The following CNTNAP5 variants were observed in gnomAD, a reference collection of about 807,000 sequenced individuals.
CNTNAP5 encodes contactin-associated protein-like 5.
CNTNAP5 carries 72 observed loss-of-function variants against 150.2 expected under a neutral mutation model. The ratio of observed to expected loss-of-function variants is 0.48; its 90% CI spans 0.40 to 0.58. The LOEUF (loss-of-function observed/expected upper bound fraction) is 0.58, where lower values mean the gene tolerates loss of function less well. Ranked by LOEUF, CNTNAP5 falls within the 20% of genes least tolerant of loss-of-function variation. The pLI is 0.00. For missense variants in CNTNAP5, 1,636 were observed against 1,626.2 expected (o/e 1.01, Z -0.10); for synonymous variants, 672 against 619.8 (o/e 1.08, Z -1.25).
At chr2:124,235,210 C>A (rs1322408412) in intron 2 of CNTNAP5, among the ~76,000 whole-genome samples, 2 of 152,106 alleles carry the variant, frequency 1.3e-5, no homozygotes, top group Non-Finnish European at 2.9e-5. Context: ...ATCTGACACT[C>A]GCTGAGTTGA....
In CNTNAP5 at chr2:124,920,244, T is replaced by C. The variant is rs1033376748; in HGVS notation, c.*5956T>C. On this transcript the variant is annotated 3_prime_UTR_variant, in exon 24 of 24. Transcript: ENST00000682447. ...TCTTACATGCTTCAGATGCCAGAAA[T>C]ATCTTCAGAGAACGTGAACAAAGTG... Among the ~76,000 whole-genome samples, 5 of 152,098 alleles carry C rather than the reference T, an allele frequency of 3.3e-5. No homozygotes were observed. The highest frequency in any genetic ancestry group is 1.3e-4 in the Admixed American group (2 of 15,258).
At chr2:124,315,654 G>T (rs765898167) in intron 3 of CNTNAP5, among the ~76,000 whole-genome samples, 3 of 152,038 alleles carry the variant, frequency 2.0e-5, no homozygotes, top group Non-Finnish European at 4.4e-5. Flanking sequence ...TTCTCAAGGT[G>T]GTCGCCCCTC....
chr2:124,796,474 T>G (rs577637102), intron 18 of CNTNAP5, among the ~76,000 whole-genome samples: 1 of 152,344 alleles, frequency 6.6e-6, no homozygotes, highest in East Asian at 1.9e-4. Flanking sequence ...CACAGATGTC[T>G]GCTGCATATT....
chr2:124,653,645 T>C (rs1002755759), intron 13 of CNTNAP5, among the ~76,000 whole-genome samples: 2 of 148,240 alleles, frequency 1.3e-5, no homozygotes, highest in African/African-American at 5.3e-5. Flanking sequence ...TAAGGAATTG[T>C]GATGTAGAAA....
intron 10 of CNTNAP5, among the ~76,000 whole-genome samples, chr2:124,552,953 A>G (rs1191686035): frequency 2.6e-5 from 4 of 152,196 alleles, no homozygotes; most frequent in African/African-American, 2.4e-5. Flanking sequence ...TAGATTATCT[A>G]TTAATTATGT....
intron 3 of CNTNAP5, among the ~76,000 whole-genome samples, chr2:124,313,158 G>A (rs979417955): frequency 2.0e-5 from 3 of 152,172 alleles, no homozygotes; most frequent in Non-Finnish European, 4.4e-5. Flanking sequence ...ATATGTAACA[G>A]TCACTCAGGC....
intron 13 of CNTNAP5, among the ~76,000 whole-genome samples, chr2:124,662,118 GGTT>G (rs1442919755): frequency 6.6e-6 from 1 of 152,010 alleles, no homozygotes; most frequent in Non-Finnish European, 1.5e-5. Context: ...TGAGAATGAT[GGTT>G]TCCAGCTTCA....
At chr2:124,230,388 A>ACAAC (rs1686584754) in intron 2 of CNTNAP5, among the ~76,000 whole-genome samples, 1 of 152,066 alleles carries the variant, frequency 6.6e-6, no homozygotes. Context: ...AAACAACACT[A>ACAAC]CAACGTCTGC....
intron 1 of CNTNAP5, among the ~76,000 whole-genome samples, chr2:124,070,358 A>G (rs1007277042): frequency 2.7e-5 from 4 of 149,914 alleles, no homozygotes; most frequent in African/African-American, 9.8e-5. Context: ...TGAATGGACT[A>G]AACTCTCCAA....
chr2:124,304,372 C>T (rs1455808811), intron 3 of CNTNAP5, among the ~76,000 whole-genome samples: 2 of 150,108 alleles, frequency 1.3e-5, no homozygotes, highest in Non-Finnish European at 2.9e-5. Context: ...GGGATAACCA[C>T]AGGGAGAAAT....
chr2:124,078,086 G>C (rs192654922), intron 1 of CNTNAP5, among the ~76,000 whole-genome samples: 1 of 152,244 alleles, frequency 6.6e-6, no homozygotes, highest in Non-Finnish European at 1.5e-5. Context: ...AAACCCAGAA[G>C]AAAATGCCAA....
At chr2:124,798,991 C>T (rs1467286861) in intron 19 of CNTNAP5, among the ~76,000 whole-genome samples, 1 of 151,906 alleles carries the variant, frequency 6.6e-6, no homozygotes, top group East Asian at 1.9e-4. Flanking sequence ...CTACTTGATA[C>T]AAAATTCACA....
intron 1 of CNTNAP5, among the ~76,000 whole-genome samples, chr2:124,103,125 G>A (rs1250880272): frequency 6.6e-6 from 1 of 151,726 alleles, no homozygotes; most frequent in Non-Finnish European, 1.5e-5. Flanking sequence ...TAACAAGAAT[G>A]TTTCAAAAGT....
At chr2:124,337,210 G>A (rs1689494877) in intron 3 of CNTNAP5, among the ~76,000 whole-genome samples, 1 of 152,114 alleles carries the variant, frequency 6.6e-6, no homozygotes, top group Non-Finnish European at 1.5e-5. Flanking sequence ...CCCACTTGTT[G>A]ATGGGGTTGT....
intron 1 of CNTNAP5, among the ~76,000 whole-genome samples, chr2:124,138,818 C>G (rs2104613073): frequency 6.6e-6 from 1 of 152,116 alleles, no homozygotes; most frequent in Non-Finnish European, 1.5e-5. Flanking sequence ...TGATCCTTCC[C>G]CTACAAACAC....
intron 11 of CNTNAP5, among the ~76,000 whole-genome samples, chr2:124,566,575 T>C (rs1696029233): frequency 6.6e-6 from 1 of 152,214 alleles, no homozygotes; most frequent in South Asian, 2.1e-4. Context: ...TTCTGTGAAA[T>C]TGCTCAATGC....
intron 3 of CNTNAP5, among the ~76,000 whole-genome samples, chr2:124,277,476 C>G (rs1041919450): frequency 1.3e-5 from 2 of 152,224 alleles, no homozygotes; most frequent in African/African-American, 2.4e-5. Flanking sequence ...GAAAGCTAAA[C>G]AGTCTATAGG....
At chr2:124,661,340 A>T (rs1678586357) in intron 13 of CNTNAP5, among the ~76,000 whole-genome samples, 1 of 152,062 alleles carries the variant, frequency 6.6e-6, no homozygotes, top group African/African-American at 2.4e-5. Flanking sequence ...TTAATCTTTT[A>T]ATCTTATTTT....
intron 19 of CNTNAP5, among the ~76,000 whole-genome samples, chr2:124,853,782 T>A (rs1381241221): frequency 2.0e-5 from 3 of 152,180 alleles, no homozygotes; most frequent in Non-Finnish European, 4.4e-5. Context: ...ATCCAATAGT[T>A]GTTTTCTTGA....
Sources: gnomAD v4.1 joint callset for allele counts (sites outside exome capture counted in the v4.1 genomes callset) on GRCh38, gnomAD v4.1.1 for gene constraint, MANE v1.5 for transcripts, NCBI Gene and HGNC (gene_info 2026-07-23, HGNC 2026-07-21) for gene names.